Variants in IQSEC1 observed in about 807,000 individuals in gnomAD.
IQSEC1 encodes IQ motif and SEC7 domain-containing protein 1.
In IQSEC1, 31 loss-of-function variants were observed where a neutral mutation model predicts 91.0. That is an observed-to-expected ratio of 0.34 (90% confidence interval 0.26 to 0.46). The LOEUF is 0.46. IQSEC1 is among the 20% of genes least tolerant of loss of function. The probability of loss-of-function intolerance (pLI) is 1.00; values close to 1 mark genes in which losing one functional copy is unlikely to be tolerated. For synonymous variants in IQSEC1, 699 were observed against 662.6 expected, an observed-to-expected ratio of 1.05 and a Z score of -0.84; for missense variants, 1,388 against 1,575.6, an observed-to-expected ratio of 0.88 and a Z score of 2.02.
intron 1 of IQSEC1, among the ~76,000 whole-genome samples, chr3:12,965,380 T>C (rs1159398020): frequency 6.6e-6 from 1 of 152,198 alleles, no homozygotes; most frequent in Admixed American, 6.5e-5. Context: ...CTTAAAGGGC[T>C]CTGGCCCCTG....
chr3:13,174,785 C>T (rs543764835), intron 1 of IQSEC1, among the ~76,000 whole-genome samples: 5 of 152,218 alleles, frequency 3.3e-5, no homozygotes, highest in Admixed American at 2.0e-4. Flanking sequence ...CTCGCTGGCA[C>T]GTCAAGCCAG....
chr3:13,028,164 C>T (rs368080441), intron 1 of IQSEC1, among the ~76,000 whole-genome samples: 23 of 152,308 alleles, frequency 1.5e-4, no homozygotes, highest in East Asian at 5.8e-4. Flanking sequence ...CCATTTCTCA[C>T]GCCTCAAGCA....
intron 1 of IQSEC1, among the ~76,000 whole-genome samples, chr3:13,027,159 C>T (rs78364253): frequency 0.041 from 6,296 of 152,208 alleles, 181 homozygotes; most frequent in African/African-American, 0.086. Flanking sequence ...TGCTGGAATG[C>T]CCGTTTTCCA....
intron 2 of IQSEC1, among the ~76,000 whole-genome samples, chr3:13,145,206 T>C (rs1706869449): frequency 1.3e-5 from 2 of 152,140 alleles, no homozygotes; most frequent in South Asian, 4.1e-4. Context: ...CAGAAAACCC[T>C]ATGAAGAGTA....
At chr3:13,256,597 A>T (rs1695289772) in intron 1 of IQSEC1, among the ~76,000 whole-genome samples, 1 of 152,164 alleles carries the variant, frequency 6.6e-6, no homozygotes, top group Admixed American at 6.5e-5. Context: ...TGACCTCACC[A>T]ACCCCAAAGC....
At chr3:13,059,158 C>T (rs1179483884) in intron 1 of IQSEC1, among the ~76,000 whole-genome samples, 1 of 152,142 alleles carries the variant, frequency 6.6e-6, no homozygotes. Flanking sequence ...GAGCTCAATG[C>T]TCCCAGGCTC....
In IQSEC1 at chr3:13,089,619, A is replaced by T. The variant is rs1705802479; in HGVS notation, c.303-42097T>A. Among the ~76,000 whole-genome samples, 5 of 152,308 alleles carry T rather than the reference A, an allele frequency of 3.3e-5. No homozygotes were observed. The South Asian group carries it at 1.0e-3, about 32-fold the overall frequency. On this transcript the variant is annotated intron_variant, in intron 2 of 15. Transcript: ENST00000648114. Reference sequence around the variant, plus strand: ...GTTTTTAAAGAAATGAAGTACCGATATATGTGGCAACATGGATAAACCTTG... The same window carrying T: ...GTTTTTAAAGAAATGAAGTACCGATTTATGTGGCAACATGGATAAACCTTG...
chr3:13,175,484 G>A (rs539991868), intron 1 of IQSEC1, among the ~76,000 whole-genome samples: 1 of 152,144 alleles, frequency 6.6e-6, no homozygotes, highest in African/African-American at 2.4e-5. Context: ...ACACAGGATC[G>A]CCCGGAAGCA....
Position 12,911,677 on chromosome 3 carries a change from G to C in IQSEC1, c.2368C>G (p.Gln790Glu). The C allele has an allele frequency of 1.2e-6, 2 of 1,613,920 alleles. No individual in the cohort carries two copies. The highest frequency in any genetic ancestry group is 1.7e-6 in the Non-Finnish European group (2 of 1,179,982). The stretch of plus-strand genomic sequence containing the variant: ...TGCATGCCGTACAAGGAGAAGGACT[G>C]TCGGAAGCTGTACGTCACCGAGTTC... ...KKNSVTYSFR[Q>E]SFSLYGMQVL... The change falls in exon 10 of 14, where the codon CAG (glutamine) becomes GAG (glutamate). Residue 790 changes from glutamine (Q) to glutamate (E), a missense_variant. Physicochemically the swap from Gln to Glu is conservative, Grantham distance 29. Around this residue, in one of 2 missense-constraint regions of IQSEC1, gnomAD observed 1,059 missense variants for 1,317.8 expected, o/e 0.80. Coordinates refer to ENST00000613206, the MANE Select transcript of IQSEC1 (RefSeq NM_001134382.3).
chr3:13,175,505 C>T (rs1472869996), intron 1 of IQSEC1, among the ~76,000 whole-genome samples: 1 of 152,210 alleles, frequency 6.6e-6, no homozygotes, highest in Non-Finnish European at 1.5e-5. Context: ...CGCTGAGTCC[C>T]TCAATGGCTC....
intron 1 of IQSEC1, among the ~76,000 whole-genome samples, chr3:12,963,331 T>C (rs1456131352): frequency 6.6e-6 from 1 of 152,202 alleles, no homozygotes; most frequent in East Asian, 1.9e-4. Context: ...CAGGTACCTA[T>C]GAACAAGGCA....
At chr3:13,040,286 C>A (rs1333180427) in intron 1 of IQSEC1, among the ~76,000 whole-genome samples, 1 of 152,236 alleles carries the variant, frequency 6.6e-6, no homozygotes, top group Non-Finnish European at 1.5e-5. Flanking sequence ...TCCAATAAGA[C>A]CTCCCTCAGG....
chr3:12,967,329 T>C lies in IQSEC1; in HGVS notation c.24-25464A>G. ...CTCCCGCACAGGCATCCCCACAGCCTGCGCCAGCCCACCGCTCAGCACCCG... is the reference window on the plus strand; with the variant it reads ...CTCCCGCACAGGCATCCCCACAGCCCGCGCCAGCCCACCGCTCAGCACCCG... On this transcript the variant is annotated intron_variant, in intron 1 of 13. Coordinates refer to ENST00000613206, the MANE Select transcript of IQSEC1 (RefSeq NM_001134382.3). The surrounding 1 kb of genome is among the most constrained non-coding windows in gnomAD (Gnocchi z 5.9). The C allele has an allele frequency of 6.9e-7, 1 of 1,446,828 alleles. No individual in the cohort carries two copies. The highest frequency in any genetic ancestry group is 9.3e-7 in the Non-Finnish European group (1 of 1,073,400). The allele number at this position is 1,446,828 out of a possible 1,614,324, so 89.6% of individuals were successfully genotyped here. A position where few individuals can be genotyped will look rare whatever the true frequency, so the allele number is the denominator to read the frequency against.
At chr3:13,109,907 C>T (rs574946386) in intron 2 of IQSEC1, among the ~76,000 whole-genome samples, 48 of 124,718 alleles carry the variant, frequency 3.8e-4, no homozygotes, top group Non-Finnish European at 5.9e-4. Context: ...TTTTTTGAGA[C>T]GGAGTCTAGC....
intron 1 of IQSEC1, among the ~76,000 whole-genome samples, chr3:12,984,970 G>A (rs374855394): frequency 2.1e-4 from 32 of 151,328 alleles, no homozygotes; most frequent in African/African-American, 6.8e-4. Context: ...GATTACAGGC[G>A]CCCACCACCA....
In IQSEC1 at chr3:13,212,912, T is replaced by C. The variant is rs1054567983; in HGVS notation, c.273-48779A>G. 7.2e-5 allele frequency among the ~76,000 whole-genome samples: 11 copies of C among 152,354 alleles called. No individual in the cohort carries two copies. In the East Asian group the frequency reaches 1.7e-3, roughly 24 times the overall value. On this transcript the variant is annotated intron_variant, in intron 1 of 15. Coordinates refer to the IQSEC1 transcript ENST00000648114. ...GCTTTTTAGTTGAGTTGTCTTTTTG[T>C]TATTGAGTTATAAGAGCTCTTTATA...
intron 1 of IQSEC1, among the ~76,000 whole-genome samples, chr3:12,945,228 G>A (rs577055079): frequency 7.0e-4 from 106 of 152,222 alleles, no homozygotes; most frequent in African/African-American, 2.4e-3. Context: ...CAATGGTGGT[G>A]GCCTGGGGCA....
intron 2 of IQSEC1, among the ~76,000 whole-genome samples, chr3:13,079,953 G>A (rs1705623569): frequency 6.6e-6 from 1 of 152,252 alleles, no homozygotes. Context: ...AAGTTTCCTG[G>A]AGGACAAGAT....
rs1034444417 is a variant in IQSEC1 at position 12,980,693 on chromosome 3, C to T, written c.24-38828G>A. 1.8e-4 allele frequency among the ~76,000 whole-genome samples: 27 copies of T among 152,170 alleles called. 1 individual carries two copies. Among genetic ancestry groups the T allele is most frequent in the Admixed American group, 4.6e-4 (7 of 15,280 alleles). On this transcript the variant is annotated intron_variant, in intron 1 of 13. Coordinates refer to ENST00000613206, the MANE Select transcript of IQSEC1 (RefSeq NM_001134382.3). ...GGGAGGGGCTGGGATGGGACCTTGCCTGTGTTCCTCACTTCCTCGAGGCCC... is the reference window on the plus strand; with the variant it reads ...GGGAGGGGCTGGGATGGGACCTTGCTTGTGTTCCTCACTTCCTCGAGGCCC...
Sources: gnomAD v4.1 joint callset for allele counts (sites outside exome capture counted in the v4.1 genomes callset) on GRCh38, gnomAD v4.1.1 for gene constraint, gnomAD v4.1.1 regional missense constraint, Gnocchi (gnomAD v3.1) non-coding constraint, MANE v1.5 for transcripts, NCBI Gene and HGNC (gene_info 2026-07-23, HGNC 2026-07-21) for gene names.